Variants in HMCN1 observed in about 807,000 individuals in gnomAD.
The protein encoded by HMCN1 is hemicentin 1.
In HMCN1, 321 loss-of-function variants were observed where a neutral mutation model predicts 625.9. The ratio of observed to expected loss-of-function variants is 0.51; its 90% confidence interval spans 0.47 to 0.56. HMCN1 has a LOEUF of 0.56. Among genes scored for constraint, HMCN1 ranks in the 20% least tolerant of loss-of-function variants. The pLI, the probability that HMCN1 is intolerant of heterozygous loss-of-function variation, is 0.00. For missense variants in HMCN1, 6,588 were observed against 6,887.3 expected (o/e 0.96, Z 1.54); for synonymous variants, 2,425 against 2,417.6 (o/e 1.00, Z -0.09).
intron 19 of HMCN1, among the ~76,000 whole-genome samples, chr1:185,987,147 G>A (rs1652055521): frequency 2.0e-5 from 3 of 149,584 alleles, no homozygotes; most frequent in African/African-American, 4.9e-5. Context: ...AAAAAAAAAA[G>A]AATTTTCTTC....
chr1:186,030,871 C>T (rs1655385340), intron 36 of HMCN1, among the ~76,000 whole-genome samples: 1 of 151,662 alleles, frequency 6.6e-6, no homozygotes, highest in African/African-American at 2.4e-5. Context: ...TAATTAGAAT[C>T]TTAATAATTA....
intron 50 of HMCN1, among the ~76,000 whole-genome samples, chr1:186,068,453 C>G (rs765701293): frequency 4.6e-5 from 7 of 152,052 alleles, no homozygotes; most frequent in Non-Finnish European, 1.0e-4. Context: ...AAGAGACTGA[C>G]AGTCTTATAT....
intron 6 of HMCN1, among the ~76,000 whole-genome samples, chr1:185,918,040 C>T (rs1226929627): frequency 2.6e-5 from 4 of 152,106 alleles, no homozygotes; most frequent in African/African-American, 9.7e-5. Context: ...TAGGGTTCTC[C>T]AGAGGACAGA....
rs766430722 is a variant in HMCN1 at position 186,189,545 on chromosome 1, G to A, written c.16575G>A (p.Leu5525=). 8.7e-6 allele frequency: 14 copies of A among 1,613,298 alleles called. No homozygotes were observed. The South Asian group carries it at 1.5e-4, about 18-fold the overall frequency. The change falls in exon 107 of 107, where the codon TTG becomes TTA. Residue 5525 remains leucine, a synonymous_variant. Coordinates refer to ENST00000271588, the MANE Select transcript of HMCN1 (RefSeq NM_031935.3). Reference sequence around the variant, plus strand: ...TCAAGAACTGTCCACCCAATGATTTGGAATGTGCCTTGAGCCCATATGCCT... The same window carrying A: ...TCAAGAACTGTCCACCCAATGATTTAGAATGTGCCTTGAGCCCATATGCCT... ...FCLKNCPPND[L]ECALSPYALE...
intron 4 of HMCN1, among the ~76,000 whole-genome samples, chr1:185,893,650 A>G (rs948863522): frequency 1.3e-5 from 2 of 152,218 alleles, no homozygotes; most frequent in Non-Finnish European, 2.9e-5. Context: ...AGCATCAGAT[A>G]TGTACTTGAG....
intron 4 of HMCN1, among the ~76,000 whole-genome samples, chr1:185,890,221 C>T (rs1468414738): frequency 1.3e-5 from 2 of 148,528 alleles, no homozygotes; most frequent in African/African-American, 5.3e-5. Flanking sequence ...ATTAGTCTTG[C>T]TAGCGGTCTA....
chr1:186,012,052 T>C (rs1478375603), intron 30 of HMCN1, among the ~76,000 whole-genome samples: 2 of 152,172 alleles, frequency 1.3e-5, no homozygotes, highest in African/African-American at 4.8e-5. Context: ...CAAAAAGTCA[T>C]AGAACTGATG....
In HMCN1 at chr1:186,001,592, A is replaced by C; in HGVS notation, c.4201-2A>C. On this transcript the variant is annotated splice_acceptor_variant, in intron 27 of 106. Transcript: ENST00000271588. LOFTEE classifies it high-confidence loss of function. Reference sequence around the variant, plus strand: ...TAACACTGACCATTTTGGCCCTTAAAGGTGACTGAAAGCAGCACTATTCAG... The same window carrying C: ...TAACACTGACCATTTTGGCCCTTAACGGTGACTGAAAGCAGCACTATTCAG... The C allele has an allele frequency of 6.2e-7, 1 of 1,613,082 alleles. No homozygotes were observed. The highest frequency in any genetic ancestry group is 8.5e-7 in the Non-Finnish European group (1 of 1,179,250).
intron 1 of HMCN1, among the ~76,000 whole-genome samples, chr1:185,817,348 G>T (rs1233297268): frequency 6.6e-6 from 1 of 152,148 alleles, no homozygotes; most frequent in Non-Finnish European, 1.5e-5. Context: ...GTGGAAAGGG[G>T]TGCCTCCAGG....
chr1:185,766,306 G>T (rs1298252499), intron 1 of HMCN1, among the ~76,000 whole-genome samples: 1 of 152,098 alleles, frequency 6.6e-6, no homozygotes, highest in African/African-American at 2.4e-5. Flanking sequence ...AGAACTCAGA[G>T]ACTGGGGGAA....
At chr1:186,052,899 A>T (rs941553946) in intron 42 of HMCN1, 53 bp from the exon 43 acceptor site, 19 of 1,428,842 alleles carry the variant, frequency 1.3e-5, no homozygotes, top group Admixed American at 3.4e-5. Context: ...GTAAACTGTT[A>T]TGAGAATTCT....
intron 1 of HMCN1, among the ~76,000 whole-genome samples, chr1:185,835,238 G>A (rs933451650): frequency 6.6e-6 from 1 of 152,218 alleles, no homozygotes; most frequent in South Asian, 2.1e-4. Context: ...GGGAGCCAGA[G>A]GTATTGAAAC....
chr1:185,980,203 C>G (rs1158249954), intron 16 of HMCN1, among the ~76,000 whole-genome samples: 1 of 152,098 alleles, frequency 6.6e-6, no homozygotes, highest in Non-Finnish European at 1.5e-5. Flanking sequence ...CGTAAATACT[C>G]TGGCATTGTC....
In HMCN1 at chr1:185,797,683, T is replaced by TTATACTTTTATGTTCTTTTTATAA. The variant is rs1553241683; in HGVS notation, c.269-48342_269-48341insATACTTTTATGTTCTTTTTATAAT. On this transcript the variant is annotated intron_variant, in intron 1 of 106. Transcript: ENST00000271588. ...ATGCAATTGCTTTATAAGACTTGTTTTGGCCGGGCGCGGTGGCTCACGCCT... is the reference window on the plus strand; with the variant it reads ...ATGCAATTGCTTTATAAGACTTGTTTTATACTTTTATGTTCTTTTTATAATGGCCGGGCGCGGTGGCTCACGCCT... Among the ~76,000 whole-genome samples the TTATACTTTTATGTTCTTTTTATAA allele has an allele frequency of 5.2e-3, 765 of 147,852 alleles. 64 individuals are homozygous for TTATACTTTTATGTTCTTTTTATAA. Among genetic ancestry groups the TTATACTTTTATGTTCTTTTTATAA allele is most frequent in the African/African-American group, 0.019 (695 of 37,266 alleles).
At chr1:186,162,481 G>GGAC (rs1265087306) in intron 97 of HMCN1, among the ~76,000 whole-genome samples, 1 of 151,900 alleles carries the variant, frequency 6.6e-6, no homozygotes, top group Non-Finnish European at 1.5e-5. Context: ...CTTTGGAGGA[G>GGAC]AGGTGCTCTG....
chr1:186,103,115 A>G (rs1248712066), intron 68 of HMCN1, among the ~76,000 whole-genome samples: 1 of 152,130 alleles, frequency 6.6e-6, no homozygotes, highest in Non-Finnish European at 1.5e-5. Flanking sequence ...ACAAAAACAT[A>G]ATAATATGCT....
rs192849303 is a variant in HMCN1, at chr1:185,786,849, A to C, written c.268+51802A>C. On this transcript the variant is annotated intron_variant, in intron 1 of 106. Transcript: ENST00000271588. ...GGTTAGTGTCATCATATCGTATACT[A>C]TGTGTCACCCCAATGCTACGTTTGC... 1.3e-4 allele frequency among the ~76,000 whole-genome samples: 20 copies of C among 152,212 alleles called. No homozygotes were observed. In the East Asian group the frequency reaches 3.7e-3, roughly 28 times the overall value.
At chr1:186,187,799 C>A in intron 105 of HMCN1, 84 bp from the exon 106 acceptor site, 1 of 1,563,590 alleles carries the variant, frequency 6.4e-7, no homozygotes, top group Non-Finnish European at 8.8e-7. Context: ...CCTCCACATT[C>A]TAGTCACACA....
intron 85 of HMCN1, among the ~76,000 whole-genome samples, chr1:186,131,969 A>G (rs1021405898): frequency 1.3e-5 from 2 of 152,178 alleles, no homozygotes; most frequent in African/African-American, 2.4e-5. Flanking sequence ...GCTTTTTAAG[A>G]TATCTATAAG....
Sources: gnomAD v4.1 joint callset for allele counts (sites outside exome capture counted in the v4.1 genomes callset) on GRCh38, gnomAD v4.1.1 for gene constraint, MANE v1.5 for transcripts, NCBI Gene and HGNC (gene_info 2026-07-23, HGNC 2026-07-21) for gene names.